The following MAGI2 variants were observed in gnomAD, a reference collection of about 807,000 sequenced individuals.
MAGI2 encodes membrane associated guanylate kinase, WW and PDZ domain containing 2, also known as membrane-associated guanylate kinase, WW and PDZ domain-containing protein 2.
MAGI2 carries 35 observed loss-of-function variants against 133.3 expected under a neutral mutation model. The observed-to-expected ratio is 0.26, with a 90% CI of 0.20 to 0.35. The LOEUF (loss-of-function observed/expected upper bound fraction) is 0.35. Ranked by LOEUF, MAGI2 falls within the 10% of genes least tolerant of loss-of-function variation. MAGI2 has a pLI of 1.00. For synonymous variants in MAGI2, 729 were observed against 710.6 expected (o/e 1.03, Z -0.41); for missense variants, 1,636 against 1,863.4 (o/e 0.88, Z 2.25).
At chr7:78,844,845 C>T (rs1287952254) in intron 2 of MAGI2, among the ~76,000 whole-genome samples, 1 of 151,696 alleles carries the variant, frequency 6.6e-6, no homozygotes, top group East Asian at 1.9e-4. Context: ...AAAAAAAATC[C>T]ATCTATTATT....
chr7:78,741,901 C>T (rs1207186330), intron 2 of MAGI2, among the ~76,000 whole-genome samples: 1 of 151,896 alleles, frequency 6.6e-6, no homozygotes, highest in Non-Finnish European at 1.5e-5. Context: ...CCTTGTCAGT[C>T]ATGCCAAAAA....
At position 78,904,957 on chromosome 7, in the gene MAGI2, T is replaced by C. The variant is rs572538207; in HGVS notation, c.418+102133A>G. Among the ~76,000 whole-genome samples the C allele has an allele frequency of 4.8e-3, 733 of 152,294 alleles. 5 individuals carry two copies. Among genetic ancestry groups the C allele is most frequent in the African/African-American group, 0.017 (692 of 41,562 alleles). On this transcript the variant is annotated intron_variant, in intron 2 of 21. Coordinates refer to ENST00000354212, the MANE Select transcript of MAGI2 (RefSeq NM_012301.4). ...AACTGTTTATTTTCTTTCTATGATT[T>C]TTCTTCCTTCATCTACCTGTCAAAG...
At chr7:79,387,994 AATG>A (rs773320933) in intron 1 of MAGI2, among the ~76,000 whole-genome samples, 27 of 152,124 alleles carry the variant, frequency 1.8e-4, no homozygotes, top group South Asian at 4.1e-4. Context: ...GATAGTAAAT[AATG>A]ATATTTCCCC....
intron 1 of MAGI2, among the ~76,000 whole-genome samples, chr7:79,371,656 G>T (rs1389274973): frequency 6.6e-6 from 1 of 152,100 alleles, no homozygotes; most frequent in African/African-American, 2.4e-5. Flanking sequence ...ATCTAGGTTT[G>T]TGTAAGTACA....
chr7:79,390,865 C>T (rs1003584579), intron 1 of MAGI2, among the ~76,000 whole-genome samples: 1 of 152,130 alleles, frequency 6.6e-6, no homozygotes, highest in South Asian at 2.1e-4. Context: ...TCTGAATTAG[C>T]AGAAAGAGCC....
At chr7:78,794,922 G>T (rs886802311) in intron 2 of MAGI2, among the ~76,000 whole-genome samples, 4 of 152,026 alleles carry the variant, frequency 2.6e-5, no homozygotes, top group African/African-American at 9.7e-5. Flanking sequence ...TACAGACGAG[G>T]TCTCACTATG....
chr7:78,343,670 G>C, intron 9 of MAGI2, 108 bp downstream of exon 9: 1 of 753,952 alleles, frequency 1.3e-6, no homozygotes, highest in Non-Finnish European at 1.9e-6. Context: ...TTTTCCTAAA[G>C]TGAAGTGACC....
At chr7:78,820,872 T>C (rs1790032033) in intron 2 of MAGI2, among the ~76,000 whole-genome samples, 1 of 151,996 alleles carries the variant, frequency 6.6e-6, no homozygotes, top group Non-Finnish European at 1.5e-5. Context: ...AAGAATAATA[T>C]AGTAACTTAT....
At chr7:79,080,698 A>G (rs74836684) in intron 1 of MAGI2, among the ~76,000 whole-genome samples, 1 of 151,988 alleles carries the variant, frequency 6.6e-6, no homozygotes, top group Non-Finnish European at 1.5e-5. Context: ...CGTCGCTATT[A>G]CATAAGACAG....
chr7:78,481,643 C>A (rs1792385789), intron 6 of MAGI2, among the ~76,000 whole-genome samples: 1 of 151,674 alleles, frequency 6.6e-6, no homozygotes, highest in South Asian at 2.1e-4. Flanking sequence ...AAGGTGCACA[C>A]ACAATTCCAT....
chr7:78,104,367 C>A (rs890537229), intron 20 of MAGI2, among the ~76,000 whole-genome samples: 2 of 151,872 alleles, frequency 1.3e-5, no homozygotes, highest in Non-Finnish European at 2.9e-5. Flanking sequence ...GGACTACAGG[C>A]GCCCGCCACC....
chr7:79,040,506 A>G (rs1265547569), intron 1 of MAGI2, among the ~76,000 whole-genome samples: 1 of 147,170 alleles, frequency 6.8e-6, no homozygotes, highest in East Asian at 2.7e-4. Flanking sequence ...AATGGATACA[A>G]AAATACAGTT....
chr7:78,122,036 C>T (rs1820520608), intron 20 of MAGI2, among the ~76,000 whole-genome samples: 1 of 152,040 alleles, frequency 6.6e-6, no homozygotes, highest in South Asian at 2.1e-4. Context: ...TCACAAAGTG[C>T]ACCAAGCTAA....
chr7:78,071,541 G>T (rs534494013), intron 21 of MAGI2, among the ~76,000 whole-genome samples: 196 of 151,894 alleles, frequency 1.3e-3, no homozygotes, highest in Non-Finnish European at 2.3e-3. Context: ...TGTCCCCGCT[G>T]CCAGAAAAAA....
At chr7:79,235,251 G>A (rs1168430328) in intron 1 of MAGI2, among the ~76,000 whole-genome samples, 31 of 152,102 alleles carry the variant, frequency 2.0e-4, no homozygotes, top group Admixed American at 1.1e-3. Flanking sequence ...TTTTTTGTTT[G>A]TCTGTGCCCT....
intron 12 of MAGI2, among the ~76,000 whole-genome samples, chr7:78,192,723 A>G (rs1170926831): frequency 6.6e-6 from 1 of 152,198 alleles, no homozygotes; most frequent in African/African-American, 2.4e-5. Flanking sequence ...AGAAAAGAGA[A>G]GGATAGGAAA....
intron 1 of MAGI2, among the ~76,000 whole-genome samples, chr7:79,366,714 AT>A (rs1209179619): frequency 1.3e-5 from 2 of 152,192 alleles, no homozygotes; most frequent in Non-Finnish European, 2.9e-5. Context: ...ATAACTGCAT[AT>A]TAATTTATAA....
chr7:79,293,965 T>C (rs755835840), intron 1 of MAGI2, among the ~76,000 whole-genome samples: 1 of 152,134 alleles, frequency 6.6e-6, no homozygotes, highest in Non-Finnish European at 1.5e-5. Context: ...GGTGAATCAC[T>C]TGAAGCCAGC....
intron 2 of MAGI2, among the ~76,000 whole-genome samples, chr7:78,832,566 C>T (rs1791271979): frequency 1.3e-5 from 2 of 152,172 alleles, no homozygotes; most frequent in South Asian, 2.1e-4. Flanking sequence ...AAAATCTGGC[C>T]CATATGAATG....
Sources: gnomAD v4.1 joint callset for allele counts (sites outside exome capture counted in the v4.1 genomes callset) on GRCh38, gnomAD v4.1.1 for gene constraint, MANE v1.5 for transcripts, NCBI Gene and HGNC (gene_info 2026-07-23, HGNC 2026-07-21) for gene names.